The following RPS6KA3 variants were observed in gnomAD, a reference collection of about 807,000 sequenced individuals.
RPS6KA3 encodes the protein ribosomal protein S6 kinase alpha-3.
RPS6KA3 carries 4 observed loss-of-function variants against 67.2 expected under a neutral mutation model. The ratio of observed to expected loss-of-function variants is 0.06; its 90% CI spans 0.03 to 0.14. The LOEUF (loss-of-function observed/expected upper bound fraction) is 0.14, where lower values mean the gene tolerates loss of function less well. Among genes scored for constraint, RPS6KA3 ranks in the 10% least tolerant of loss-of-function variants. The pLI, the probability that RPS6KA3 is intolerant of heterozygous loss-of-function variation, is 1.00. For missense variants in RPS6KA3, 204 were observed against 559.0 expected, an observed-to-expected ratio of 0.36 and a Z score of 6.40; for synonymous variants, 182 against 183.7, an observed-to-expected ratio of 0.99 and a Z score of 0.07.
chrX:20,197,059 C>T (rs1465962510), intron 4 of RPS6KA3, among the ~76,000 whole-genome samples: 27 of 112,316 alleles, frequency 2.4e-4, no homozygotes. Context: ...AGGCTGGTCT[C>T]TAACTCCTGA....
intron 1 of RPS6KA3, among the ~76,000 whole-genome samples, chrX:20,256,250 A>C (rs1209066592): frequency 9.1e-6 from 1 of 109,487 alleles, no homozygotes; most frequent in African/African-American, 3.3e-5. Flanking sequence ...GTCTAAGAAA[A>C]AAAAAAATGA....
At chrX:20,174,465 C>T (rs1422836464) in intron 14 of RPS6KA3, among the ~76,000 whole-genome samples, 1 of 107,070 alleles carries the variant, frequency 9.3e-6, no homozygotes, top group African/African-American at 3.4e-5. Flanking sequence ...TCTCTTGCCT[C>T]GGCCTCCTAA....
At chrX:20,180,908 GCAGGGGAAAAA>G (rs1336910212) in intron 10 of RPS6KA3, among the ~76,000 whole-genome samples, 1 of 112,343 alleles carries the variant, frequency 8.9e-6, no homozygotes, top group Non-Finnish European at 1.9e-5. Context: ...TGAATAAACA[GCAGGGGAAAAA>G]CAGGGATAGA....
At chrX:20,198,709 C>T (rs2068339427) in intron 4 of RPS6KA3, among the ~76,000 whole-genome samples, 2 of 111,872 alleles carry the variant, frequency 1.8e-5, no homozygotes, top group Admixed American at 1.9e-4. Context: ...ACATTATCAA[C>T]CAATTGCAAA....
intron 2 of RPS6KA3, among the ~76,000 whole-genome samples, chrX:20,223,400 G>T (rs6527971): frequency 0.33 from 36,454 of 110,005 alleles, 7,367 homozygotes; most frequent in African/African-American, 0.76. Flanking sequence ...GGCATTATAA[G>T]GGTGGACGGA....
At position 20,193,546 on chromosome X, in the gene RPS6KA3, T is replaced by C; in HGVS notation, c.534A>G (p.Ala178=). 2.5e-6 allele frequency: 3 copies of C among 1,201,085 alleles called. No homozygotes were observed. Among genetic ancestry groups the C allele is most frequent in the Non-Finnish European group, 3.4e-6 (3 of 886,210 alleles). ...GGCTATGTAGATGGTCTAAAGCAAG[T>C]GCAAGTTCAGCCAAGTAGAATTTGA... ...EDVKFYLAEL[A]LALDHLHSLG... The change falls in exon 7 of 22, where the codon GCA becomes GCG. Residue 178 remains alanine (A), a synonymous_variant. Coordinates refer to ENST00000379565, the MANE Select transcript of RPS6KA3 (RefSeq NM_004586.3).
At chrX:20,240,128 C>T (rs2069512699) in intron 1 of RPS6KA3, among the ~76,000 whole-genome samples, 1 of 108,702 alleles carries the variant, frequency 9.2e-6, no homozygotes, top group South Asian at 3.9e-4. Context: ...CTGACATTCT[C>T]CTACCTAGAA....
intron 4 of RPS6KA3, chrX:20,203,807 T>C: frequency 2.6e-6 from 1 of 381,279 alleles, no homozygotes; most frequent in South Asian, 5.7e-5. Flanking sequence ...TATGAATTTA[T>C]AATACGTCTT....
At chrX:20,263,614 G>A in intron 1 of RPS6KA3, among the ~76,000 whole-genome samples, 1 of 111,942 alleles carries the variant, frequency 8.9e-6, no homozygotes, top group South Asian at 3.7e-4. Context: ...AGGAAGGCCA[G>A]TGTAAAGGAA....
At chrX:20,173,169 C>G (rs1415896953) in intron 14 of RPS6KA3, among the ~76,000 whole-genome samples, 1 of 111,419 alleles carries the variant, frequency 9.0e-6, no homozygotes, top group Non-Finnish European at 1.9e-5. Flanking sequence ...TGTGATTCAG[C>G]CTTATTCCAG....
At chrX:20,236,169 G>A (rs187673511) in intron 1 of RPS6KA3, among the ~76,000 whole-genome samples, 79 of 111,179 alleles carry the variant, frequency 7.1e-4, no homozygotes, top group East Asian at 2.5e-3. Flanking sequence ...GTTAACAGTG[G>A]TTATCTCTGG....
At position 20,266,907 on chromosome X, in the gene RPS6KA3, T is replaced by C; in HGVS notation, c.-275A>G. ...CGCTGGGCACCGGGTCTCGCCCCTT[T>C]CTTCCTCTCCTCCTTCCGCCGCCGG... On this transcript the variant is annotated 5_prime_UTR_variant, in exon 1 of 22. Coordinates refer to ENST00000379565, the MANE Select transcript of RPS6KA3 (RefSeq NM_004586.3). 1.6e-6 allele frequency: 1 copy of C among 621,897 alleles called. No individual in the cohort carries two copies. The highest frequency in any genetic ancestry group is 1.9e-6 in the Non-Finnish European group (1 of 518,455). 51.3% of individuals were successfully genotyped at this position (621,897 alleles called of 1,213,427 possible).
chrX:20,186,666 C>T (rs754691600), intron 9 of RPS6KA3, among the ~76,000 whole-genome samples: 12 of 109,050 alleles, frequency 1.1e-4, no homozygotes, highest in Non-Finnish European at 1.5e-4. Context: ...AATCTCAGCT[C>T]ACTGAAGCTT....
intron 10 of RPS6KA3, among the ~76,000 whole-genome samples, chrX:20,181,469 C>T (rs1374929165): frequency 9.0e-6 from 1 of 110,529 alleles, no homozygotes; most frequent in Non-Finnish European, 1.9e-5. Context: ...CTGCTCCTTC[C>T]CTCACACAGT....
At chrX:20,159,006 T>C (rs2067248582) in intron 20 of RPS6KA3, among the ~76,000 whole-genome samples, 1 of 112,234 alleles carries the variant, frequency 8.9e-6, no homozygotes, top group Non-Finnish European at 1.9e-5. Flanking sequence ...ACCACTCCTC[T>C]CAAAACTACT....
chrX:20,267,043 C>G, upstream of RPS6KA3: 1 of 754,706 alleles, frequency 1.3e-6, no homozygotes, highest in Non-Finnish European at 1.6e-6. Context: ...CGATACCTGT[C>G]TCTCAAAGCG....
At position 20,209,381 on chromosome X, in the gene RPS6KA3, A is replaced by C. The variant is rs1319564910; in HGVS notation, c.150T>G (p.Ile50Met). Residue 50 changes from isoleucine (I) to methionine (M), a missense_variant, in exon 3 of 22, where the codon ATT becomes ATG. Ile to Met is a conservative substitution (Grantham distance 10). Transcript: ENST00000379565. ...PQTEEVSIKE[I>M]AITHHVKEGH... Reference sequence around the variant, plus strand: ...CTTCCTTTACATGATGTGTGATTGCAATTTCTTTGATACTGACTTCTTCCT... The same window carrying C: ...CTTCCTTTACATGATGTGTGATTGCCATTTCTTTGATACTGACTTCTTCCT... 1 of 1,169,825 alleles carries C rather than the reference A, an allele frequency of 8.5e-7. No homozygotes were observed.
chrX:20,186,510 A>G lies in RPS6KA3; in HGVS notation c.775-144T>C, dbSNP rs751765172. 1.5e-4 allele frequency: 67 copies of G among 447,708 alleles called. 1 individual carries two copies. Among genetic ancestry groups the G allele is most frequent in the African/African-American group, 1.3e-3 (53 of 39,924 alleles). The allele number at this position is 447,708 out of a possible 1,213,427, so 36.9% of individuals were successfully genotyped here. On this transcript the variant is annotated intron_variant, in intron 9 of 21. Coordinates refer to ENST00000379565, the MANE Select transcript of RPS6KA3 (RefSeq NM_004586.3). ...ATAACAAGTGTTTTCTATTTCTACC[A>G]TATTCGTTACTGAAGTTCTTGATAA...
intron 2 of RPS6KA3, among the ~76,000 whole-genome samples, chrX:20,217,595 T>A (rs2068887486): frequency 8.9e-6 from 1 of 112,466 alleles, no homozygotes; most frequent in Admixed American, 9.4e-5. Context: ...ATTTAAATGT[T>A]CCTTGGTAAA....
Sources: gnomAD v4.1 joint callset for allele counts (sites outside exome capture counted in the v4.1 genomes callset) on GRCh38, gnomAD v4.1.1 for gene constraint, MANE v1.5 for transcripts, NCBI Gene and HGNC (gene_info 2026-07-23, HGNC 2026-07-21) for gene names.